Variants in TGS1 observed in about 807,000 individuals in gnomAD.
TGS1 encodes the protein trimethylguanosine synthase 1.
Under a neutral mutation model 92.2 loss-of-function variants are expected in TGS1, and 69 were observed. The ratio of observed to expected loss-of-function variants is 0.75; its 90% CI spans 0.62 to 0.91. TGS1 has a LOEUF of 0.91. Among genes scored for constraint, TGS1 ranks in the 40% least tolerant of loss-of-function variants. TGS1 has a pLI of 0.00. For synonymous variants in TGS1, 345 were observed against 338.1 expected, an observed-to-expected ratio of 1.02 and a Z score of -0.22; for missense variants, 1,062 against 1,001.2, an observed-to-expected ratio of 1.06 and a Z score of -0.82.
intron 12 of TGS1, among the ~76,000 whole-genome samples, chr8:55,818,096 G>A (rs1803533955): frequency 6.6e-6 from 1 of 152,142 alleles, no homozygotes; most frequent in Non-Finnish European, 1.5e-5. Context: ...CTGACACAAT[G>A]TTCATTACCA....
At chr8:55,821,396 A>G (rs1803629691) in intron 12 of TGS1, among the ~76,000 whole-genome samples, 1 of 152,098 alleles carries the variant, frequency 6.6e-6, no homozygotes, top group Non-Finnish European at 1.5e-5. Flanking sequence ...TAATTTATGA[A>G]CTGTTTTGCA....
chr8:55,785,980 T>G (rs1811698326), intron 3 of TGS1, 89 bp downstream of exon 3: 4 of 1,064,814 alleles, frequency 3.8e-6, no homozygotes, highest in Non-Finnish European at 5.4e-6. Flanking sequence ...ATTATATGCA[T>G]TCACGATCAG....
rs1487810258 is a variant in TGS1 at position 55,786,587 on chromosome 8, T to G, written c.689T>G (p.Phe230Cys). The G allele has an allele frequency of 6.2e-7, 1 of 1,614,066 alleles. No individual in the cohort carries two copies. The highest frequency in any genetic ancestry group is 8.5e-7 in the Non-Finnish European group (1 of 1,180,028). ...GCACTATCTTCTGAACCTTGGAACT[T>G]TCCTGATACAAAGGAAGAATGGGAG... ...GQALSSEPWNFPDTKEEWEQH... is the reference protein window; with the variant it reads ...GQALSSEPWNCPDTKEEWEQH... The change falls in exon 4 of 13, where the codon TTT (phenylalanine) becomes TGT (cysteine). Residue 230 changes from phenylalanine (F) to cysteine (C), a missense_variant. Phe to Cys is a radical substitution (Grantham distance 205). Coordinates refer to ENST00000260129, the MANE Select transcript of TGS1 (RefSeq NM_024831.8).
At position 55,804,938 on chromosome 8, in the gene TGS1, C is replaced by A; in HGVS notation, c.2045C>A (p.Ala682Asp). The A allele has an allele frequency of 6.2e-7, 1 of 1,613,994 alleles. No individual in the cohort carries two copies. The highest frequency in any genetic ancestry group is 8.5e-7 in the Non-Finnish European group (1 of 1,179,900). ...CCCGAGAAGATTGCTGAACACATTG[C>A]TGGCCGTGTTAGTCAGTCCTTCAAG... Reference protein sequence around the residue: ...VTPEKIAEHIAGRVSQSFKCD... With the variant: ...VTPEKIAEHIDGRVSQSFKCD... The change falls in exon 10 of 13, where the codon GCT (alanine) becomes GAT (aspartate). Residue 682 changes from alanine (A) to aspartate (D), a missense_variant. Ala to Asp is a moderately radical substitution (Grantham distance 126). Transcript: ENST00000260129.
chr8:55,809,657 A>G (rs1272571469), intron 10 of TGS1, among the ~76,000 whole-genome samples: 2 of 151,514 alleles, frequency 1.3e-5, no homozygotes, highest in Non-Finnish European at 2.9e-5. Flanking sequence ...GGGGTTTCGA[A>G]CTCCTGAGCT....
rs567281542 is a variant in TGS1 at position 55,804,337 on chromosome 8, A to T, written c.2000-556A>T. ...GTGCCTGTAGTCCCAACTACTCAGG[A>T]GGCTGAAGCATGAGAATTGCTTGAA... On this transcript the variant is annotated intron_variant, in intron 9 of 12. Coordinates refer to ENST00000260129, the MANE Select transcript of TGS1 (RefSeq NM_024831.8). Among the ~76,000 whole-genome samples, 3 of 152,308 alleles carry T rather than the reference A, an allele frequency of 2.0e-5. No individual in the cohort carries two copies. In the East Asian group the frequency reaches 5.8e-4, roughly 29 times the overall value.
rs1273218404 is a variant in TGS1, at chr8:55,786,322, T to TG, written c.426dup (p.Arg143GlufsTer5). The TG allele has an allele frequency of 6.2e-7, 1 of 1,602,280 alleles. No individual in the cohort carries two copies. The highest frequency in any genetic ancestry group is 1.7e-5 in the Admixed American group (1 of 58,802). On this transcript the variant is annotated frameshift_variant, in exon 4 of 13. Transcript: ENST00000260129. LOFTEE classifies it high-confidence loss of function. ...CTTAGATGAAATTGTGCAAGAATCT[T>TG]GGAGAAAAGAATATGAAGAAGACGA... is the stretch of plus-strand genomic sequence containing the variant.
chr8:55,796,231 A>G, intron 7 of TGS1, 79 bp downstream of exon 7: 1 of 1,129,404 alleles, frequency 8.9e-7, no homozygotes, highest in Non-Finnish European at 1.3e-6. Flanking sequence ...TTGTATTCAA[A>G]TAGGAAGCTT....
chr8:55,797,571 G>A (rs114481323), intron 7 of TGS1, among the ~76,000 whole-genome samples: 2,014 of 152,208 alleles, frequency 0.013, 40 homozygotes, highest in African/African-American at 0.046. Context: ...TGAAACACAG[G>A]CCAATTTATT....
intron 12 of TGS1, among the ~76,000 whole-genome samples, chr8:55,816,903 C>T (rs1188948484): frequency 6.6e-6 from 1 of 151,278 alleles, no homozygotes; most frequent in Non-Finnish European, 1.5e-5. Flanking sequence ...CTCTGTTGCC[C>T]AGGCCAGAGT....
At chr8:55,809,714 C>T (rs1803288856) in intron 10 of TGS1, among the ~76,000 whole-genome samples, 1 of 152,204 alleles carries the variant, frequency 6.6e-6, no homozygotes, top group African/African-American at 2.4e-5. Flanking sequence ...GGATTACAGG[C>T]ATGAGCCACC....
At chr8:55,812,776 G>A (rs1803373177) in intron 11 of TGS1, among the ~76,000 whole-genome samples, 1 of 152,044 alleles carries the variant, frequency 6.6e-6, no homozygotes, top group South Asian at 2.1e-4. Context: ...AATGGCCATG[G>A]TTACTTTATT....
At chr8:55,776,695 ACTT>A (rs1439155737) in intron 1 of TGS1, among the ~76,000 whole-genome samples, 1 of 151,968 alleles carries the variant, frequency 6.6e-6, no homozygotes, top group South Asian at 2.1e-4. Context: ...TTTAGTTTTT[ACTT>A]CTTTCTTTGG....
At chr8:55,776,277 C>CTTTTTT (rs71256565) in intron 1 of TGS1, among the ~76,000 whole-genome samples, 1 of 120,526 alleles carries the variant, frequency 8.3e-6, no homozygotes, top group South Asian at 2.7e-4. Context: ...TTCACGGTGT[C>CTTTTTT]TTTTTTTTTT....
Position 55,794,213 on chromosome 8 carries a change from T to G in TGS1, c.1367+1429T>G, listed in dbSNP as rs80105566. Among the ~76,000 whole-genome samples, 1,192 of 152,046 alleles carry G rather than the reference T, an allele frequency of 7.8e-3. 9 individuals are homozygous for G. Among genetic ancestry groups the G allele is most frequent in the Middle Eastern group, 0.02 (6 of 294 alleles). On this transcript the variant is annotated intron_variant, in intron 6 of 12. Transcript: ENST00000260129. ...TCTCGCTCTGTAACACAGGCAGGAG[T>G]GCAGTGCTGTTTTAAGTTTTTTCAT...
At chr8:55,819,463 ATT>A (rs1239665003) in intron 12 of TGS1, among the ~76,000 whole-genome samples, 6 of 141,920 alleles carry the variant, frequency 4.2e-5, no homozygotes, top group Non-Finnish European at 1.5e-5. Flanking sequence ...TGCCCGGCTA[ATT>A]TTTTTTTTTT....
Position 55,804,916 on chromosome 8 carries a change from G to A in TGS1, c.2023G>A (p.Glu675Lys), listed in dbSNP as rs1812323003. ...DREGWFSVTP[E>K]KIAEHIAGRV... Reference sequence around the variant, plus strand: ...AGAGGGCTGGTTTTCAGTTACACCCGAGAAGATTGCTGAACACATTGCTGG... The same window carrying A: ...AGAGGGCTGGTTTTCAGTTACACCCAAGAAGATTGCTGAACACATTGCTGG... Residue 675 changes from glutamate (E) to lysine (K), a missense_variant, in exon 10 of 13, where the codon GAG (glutamate) becomes AAG (lysine). Coordinates refer to ENST00000260129, the MANE Select transcript of TGS1 (RefSeq NM_024831.8). The A allele has an allele frequency of 5.0e-6, 8 of 1,613,732 alleles. No homozygotes were observed. Among genetic ancestry groups the A allele is most frequent in the South Asian group, 3.3e-5 (3 of 91,044 alleles).
intron 12 of TGS1, among the ~76,000 whole-genome samples, chr8:55,816,827 G>A (rs913561385): frequency 6.6e-6 from 1 of 151,424 alleles, no homozygotes; most frequent in Non-Finnish European, 1.5e-5. Flanking sequence ...TAAAATTGAT[G>A]TTAGATTTAA....
chr8:55,822,321 CGACCTCCCAAAGT>C (rs1563473574), intron 12 of TGS1, among the ~76,000 whole-genome samples: 2 of 152,086 alleles, frequency 1.3e-5, no homozygotes, highest in Non-Finnish European at 2.9e-5. Context: ...CCACCCTCCT[CGACCTCCCAAAGT>C]GCTGGGATTA....
Sources: gnomAD v4.1 joint callset for allele counts (sites outside exome capture counted in the v4.1 genomes callset) on GRCh38, gnomAD v4.1.1 for gene constraint, MANE v1.5 for transcripts, NCBI Gene and HGNC (gene_info 2026-07-23, HGNC 2026-07-21) for gene names.